SLC75A1: variants seen among roughly 807,000 people sequenced by gnomAD.
SLC75A1 encodes the protein solute carrier family 75 member 1.
chr4:2,933,628 G>C, the SLC75A1 span: 2 of 1,613,664 alleles, frequency 1.2e-6, no homozygotes, highest in Non-Finnish European at 1.7e-6. Flanking sequence ...TGGCAAACCA[G>C]TCCACCCCGC....
the SLC75A1 span, chr4:2,932,146 G>A: frequency 6.2e-7 from 1 of 1,606,150 alleles, no homozygotes; most frequent in South Asian, 1.1e-5. Context: ...CAGGGCGATA[G>A]AGGGCGCCTG....
At chr4:2,931,027 C>T in the SLC75A1 span, 2 of 1,610,200 alleles carry the variant, frequency 1.2e-6, no homozygotes, top group South Asian at 1.1e-5. Flanking sequence ...GTGCTTGGCC[C>T]CCAGCCTGCC....
At chr4:2,932,236 C>G in the SLC75A1 span, 2 of 1,548,082 alleles carry the variant, frequency 1.3e-6, no homozygotes, top group Admixed American at 2.0e-5. Flanking sequence ...GTCCCAACAC[C>G]AAGAGAGCGG....
the SLC75A1 span, chr4:2,930,911 G>C: frequency 2.4e-5 from 39 of 1,612,964 alleles, no homozygotes; most frequent in Non-Finnish European, 3.3e-5. Context: ...AAAGAGCCCG[G>C]ACCACGTGGT....
At chr4:2,932,519 A>G in the SLC75A1 span, 1 of 1,613,412 alleles carries the variant, frequency 6.2e-7, no homozygotes. Context: ...CCGCCTAGGG[A>G]AAAGACCACC....
chr4:2,933,764 C>T, the SLC75A1 span: 2 of 1,598,672 alleles, frequency 1.3e-6, no homozygotes, highest in South Asian at 1.1e-5. Context: ...TGGGCACGGC[C>T]GTGGCTCTCC....
At chr4:2,932,192 C>T in the SLC75A1 span, 1 of 1,573,164 alleles carries the variant, frequency 6.4e-7, no homozygotes, top group Non-Finnish European at 8.6e-7. Flanking sequence ...GGAGCGGCTG[C>T]TGGCCTGGCA....
At chr4:2,933,480 C>T in the SLC75A1 span, 19 of 1,430,988 alleles carry the variant, frequency 1.3e-5, no homozygotes, top group East Asian at 9.2e-5. Context: ...AGGCAAGGAC[C>T]GAGAATTGGG....
At chr4:2,931,521 C>T in the SLC75A1 span, 11 of 1,599,988 alleles carry the variant, frequency 6.9e-6, no homozygotes, top group South Asian at 9.0e-5. Context: ...ACTCAGGGGA[C>T]TGCCTGCCAC....
At chr4:2,930,864 G>A in the SLC75A1 span, 1 of 1,613,108 alleles carries the variant, frequency 6.2e-7, no homozygotes, top group Non-Finnish European at 8.5e-7. Context: ...GTCTGTGCCG[G>A]GTAACTCAGC....
chr4:2,933,120 T>C, the SLC75A1 span: 2 of 1,613,426 alleles, frequency 1.2e-6, no homozygotes, highest in African/African-American at 2.7e-5. Flanking sequence ...CACAGCAGCA[T>C]CACCGGGCGC....
the SLC75A1 span, chr4:2,933,078 C>T: frequency 6.2e-7 from 1 of 1,604,152 alleles, no homozygotes; most frequent in Admixed American, 1.7e-5. Flanking sequence ...GGAGGCTTCC[C>T]CATGGGCACC....
chr4:2,932,454 G>A, the SLC75A1 span: 8 of 1,613,668 alleles, frequency 5.0e-6, no homozygotes, highest in Admixed American at 5.0e-5. Context: ...CAGGGGCAGG[G>A]AGGCTCCGAG....
At chr4:2,931,981 A>C in the SLC75A1 span, 1 of 1,601,860 alleles carries the variant, frequency 6.2e-7, no homozygotes, top group African/African-American at 1.3e-5. Flanking sequence ...ACAGCAGGGA[A>C]GGGCGCCGCC....
the SLC75A1 span, chr4:2,933,486 T>C: frequency 2.1e-5 from 30 of 1,457,176 alleles, no homozygotes; most frequent in African/African-American, 1.5e-4. Flanking sequence ...GGACCGAGAA[T>C]TGGGGAGGGG....
the SLC75A1 span, chr4:2,931,247 G>A: frequency 2.6e-6 from 4 of 1,563,968 alleles, no homozygotes; most frequent in South Asian, 2.3e-5. Flanking sequence ...GACCACGGAG[G>A]ACAGGCAGGG....
chr4:2,934,655 C>G, the SLC75A1 span: 1 of 96,004 alleles, frequency 1.0e-5, no homozygotes, highest in Admixed American at 9.3e-5. Flanking sequence ...CCCGCCCCAC[C>G]CCCGCGTACC....
chr4:2,933,026 C>T, the SLC75A1 span: 2 of 1,402,488 alleles, frequency 1.4e-6, no homozygotes, highest in South Asian at 1.2e-5. Flanking sequence ...CAGCCACCTC[C>T]CTCTCCCCAC....
chr4:2,931,031 G>C, the SLC75A1 span: 3 of 1,610,392 alleles, frequency 1.9e-6, no homozygotes, highest in East Asian at 4.5e-5. Context: ...TTGGCCCCCA[G>C]CCTGCCCCAG....
Sources: gnomAD v4.1 joint callset for allele counts on GRCh38, gnomAD v4.1.1 for gene constraint, MANE v1.5 for transcripts, NCBI Gene and HGNC (gene_info 2026-07-23, HGNC 2026-07-21) for gene names.